The following DEPDC5 variants were observed in gnomAD, a reference collection of about 807,000 sequenced individuals.
The protein encoded by DEPDC5 is GATOR1 complex protein DEPDC5.
A neutral mutation model predicts 217.3 loss-of-function variants in DEPDC5; 73 were observed. The ratio of observed to expected loss-of-function variants is 0.34; its 90% CI spans 0.28 to 0.41. The LOEUF (loss-of-function observed/expected upper bound fraction) is 0.41. Among genes scored for constraint, DEPDC5 ranks in the 10% least tolerant of loss-of-function variants. The pLI, the probability that DEPDC5 is intolerant of heterozygous loss-of-function variation, is 1.00. For synonymous variants in DEPDC5, 733 were observed against 756.7 expected (o/e 0.97, Z 0.51); for missense variants, 1,675 against 2,070.1 (o/e 0.81, Z 3.70).
intron 4 of DEPDC5, among the ~76,000 whole-genome samples, chr22:31,761,989 A>AG (rs2082431616): frequency 6.7e-6 from 1 of 149,050 alleles, no homozygotes; most frequent in Non-Finnish European, 1.5e-5. Flanking sequence ...AAAAAAAAAA[A>AG]TACACAACCT....
chr22:31,872,961 G>T (rs1402785414), intron 34 of DEPDC5, among the ~76,000 whole-genome samples: 1 of 151,950 alleles, frequency 6.6e-6, no homozygotes, highest in Non-Finnish European at 1.5e-5. Context: ...CACTATGTTT[G>T]CCAGGCTGGT....
At chr22:31,877,393 C>T (rs1400567771) in intron 37 of DEPDC5, among the ~76,000 whole-genome samples, 4 of 127,526 alleles carry the variant, frequency 3.1e-5, no homozygotes, top group Non-Finnish European at 6.3e-5. Flanking sequence ...GCCAAGATCA[C>T]ACCACTGTAC....
chr22:31,861,938 C>T (rs906988916), intron 33 of DEPDC5, among the ~76,000 whole-genome samples: 1 of 152,192 alleles, frequency 6.6e-6, no homozygotes, highest in Admixed American at 6.5e-5. Context: ...AATTATTTGT[C>T]AGTTAAAAGA....
rs2085728214 is a variant in DEPDC5 at position 31,792,086 on chromosome 22, T to C, written c.678T>C (p.Tyr226=). ...TGGTCCTGTTTTCTAGAACTTTCTA[T>C]GATGCAAAATCTGTTGGTGAGTAAC... The part of the protein sequence containing the change: ...VTVVLFSRTF[Y]DAKSVDEFPE... The change falls in exon 11 of 43, where the codon TAT becomes TAC. Residue 226 remains tyrosine, a synonymous_variant. Transcript: ENST00000651528. The C allele has an allele frequency of 1.9e-6, 3 of 1,612,016 alleles. No homozygotes were observed. The highest frequency in any genetic ancestry group is 2.5e-6 in the Non-Finnish European group (3 of 1,178,670).
At chr22:31,810,034 TAA>T (rs2088080182) in intron 19 of DEPDC5, among the ~76,000 whole-genome samples, 1 of 152,164 alleles carries the variant, frequency 6.6e-6, no homozygotes, top group African/African-American at 2.4e-5. Context: ...TGAAGTGCCA[TAA>T]AAAGTTTATG....
At chr22:31,836,193 C>T (rs2090981971) in intron 25 of DEPDC5, among the ~76,000 whole-genome samples, 1 of 152,242 alleles carries the variant, frequency 6.6e-6, no homozygotes, top group Non-Finnish European at 1.5e-5. Flanking sequence ...CTGGTTTTCA[C>T]AGCTAGGGGA....
rs1472288642 is a variant in DEPDC5, at chr22:31,837,047, C to G, written c.2246C>G (p.Thr749Ser). ...TVGVDWKSLT[T>S]PACLPLTTDY... is the part of the protein sequence containing the mutation. Reference sequence around the variant, plus strand: ...GGAGTGGACTGGAAGTCTCTCACTACTCCGGCGTGCCTCCCCCTTACCACC... The same window carrying G: ...GGAGTGGACTGGAAGTCTCTCACTAGTCCGGCGTGCCTCCCCCTTACCACC... The change falls in exon 26 of 43, where the codon ACT becomes AGT. Residue 749 changes from threonine (T) to serine (S), a missense_variant. Thr to Ser is a moderately conservative substitution (Grantham distance 58, BLOSUM62 1). Around this residue, in one of 11 missense-constraint regions of DEPDC5, gnomAD observed 8 missense variants for 30.3 expected, o/e 0.26. Coordinates refer to ENST00000651528, the MANE Select transcript of DEPDC5 (RefSeq NM_001242896.3). 1 of 1,614,076 alleles carries G rather than the reference C, an allele frequency of 6.2e-7. No homozygotes were observed. Among genetic ancestry groups the G allele is most frequent in the Non-Finnish European group, 8.5e-7 (1 of 1,180,038 alleles).
chr22:31,806,989 G>A (rs1469259689), intron 18 of DEPDC5, among the ~76,000 whole-genome samples: 1 of 152,186 alleles, frequency 6.6e-6, no homozygotes, highest in African/African-American at 2.4e-5. Context: ...GCTAACCTGG[G>A]TGGCTAAGTG....
At chr22:31,816,174 C>A (rs2089086649) in intron 21 of DEPDC5, among the ~76,000 whole-genome samples, 2 of 151,490 alleles carry the variant, frequency 1.3e-5, no homozygotes, top group Admixed American at 1.3e-4. Flanking sequence ...GTGGCGGGTG[C>A]CTGTAATCCC....
At chr22:31,793,821 C>T (rs537350821) in intron 12 of DEPDC5, among the ~76,000 whole-genome samples, 76 of 152,162 alleles carry the variant, frequency 5.0e-4, no homozygotes, top group Non-Finnish European at 1.3e-4. Context: ...CCACCCACCT[C>T]GGCCTCCCAA....
Position 31,826,826 on chromosome 22 carries a change from G to A in DEPDC5, c.2104+4036G>A, listed in dbSNP as rs142559020. Among the ~76,000 whole-genome samples the A allele has an allele frequency of 4.6e-5, 7 of 151,664 alleles. No homozygotes were observed. In the East Asian group the frequency reaches 5.8e-4, roughly 13 times the overall value. On this transcript the variant is annotated intron_variant, in intron 24 of 42. Transcript: ENST00000651528. ...TTTATATTTCCAAGACCAAGTTGCC[G>A]TATGTGAGAAGAATTTGAATAACAC...
intron 37 of DEPDC5, among the ~76,000 whole-genome samples, chr22:31,876,672 G>A (rs136867): frequency 0.8 from 121,314 of 152,074 alleles, 49,239 homozygotes; most frequent in African/African-American, 0.95. Flanking sequence ...TCCAGTTCAG[G>A]CTCCATTTCT....
chr22:31,767,889 G>T (rs1434167314), intron 6 of DEPDC5, among the ~76,000 whole-genome samples: 1 of 151,556 alleles, frequency 6.6e-6, no homozygotes, highest in Non-Finnish European at 1.5e-5. Flanking sequence ...GGGATTACAG[G>T]CGCCCGCCAC....
intron 8 of DEPDC5, among the ~76,000 whole-genome samples, chr22:31,778,391 G>A (rs2084095136): frequency 6.6e-6 from 1 of 152,046 alleles, no homozygotes; most frequent in Non-Finnish European, 1.5e-5. Context: ...AGGAAGCTGA[G>A]GTGGAAGAAT....
At chr22:31,864,524 A>ATATATATATATATATATATATATATATT (rs1249903986) in intron 33 of DEPDC5, among the ~76,000 whole-genome samples, 1 of 132,720 alleles carries the variant, frequency 7.5e-6, no homozygotes, top group Non-Finnish European at 1.6e-5. Flanking sequence ...ATATATATAT[A>ATATATATATATATATATATATATATATT]TTTATATATT....
At chr22:31,767,496 T>C (rs1302831239) in intron 6 of DEPDC5, among the ~76,000 whole-genome samples, 7 of 152,092 alleles carry the variant, frequency 4.6e-5, no homozygotes, top group African/African-American at 9.7e-5. Context: ...GGTTTCTCCA[T>C]GTTGGTCAGG....
At chr22:31,819,409 G>A (rs771719811) in intron 22 of DEPDC5, among the ~76,000 whole-genome samples, 184 bp downstream of exon 22, 10 of 151,986 alleles carry the variant, frequency 6.6e-5, no homozygotes, top group Non-Finnish European at 1.5e-4. Context: ...CTTGGGAATA[G>A]GCTTTGTAAC....
intron 18 of DEPDC5, among the ~76,000 whole-genome samples, chr22:31,808,254 C>G (rs1217667292): frequency 6.6e-6 from 1 of 151,028 alleles, no homozygotes; most frequent in Admixed American, 6.6e-5. Flanking sequence ...TGCCACCATG[C>G]CTAATTTTTT....
Position 31,797,674 on chromosome 22 carries a change from A to G in DEPDC5, c.842A>G (p.Tyr281Cys), listed in dbSNP as rs200797928. The change falls in exon 13 of 43, where the codon TAT becomes TGT. Residue 281 changes from tyrosine (Y) to cysteine (C), a missense_variant. Tyr to Cys is a radical substitution (Grantham distance 194). Around this residue, in one of 11 missense-constraint regions of DEPDC5, gnomAD observed 628 missense variants for 762.1 expected, o/e 0.82. Coordinates refer to ENST00000651528, the MANE Select transcript of DEPDC5 (RefSeq NM_001242896.3). ...ACCATTAAAAAACTCTTCATCCAGT[A>G]TCCAGTGTTGGTGCGACTGGAACAG... is the stretch of plus-strand genomic sequence containing the variant. ...LVTIKKLFIQYPVLVRLEQAE... is the reference protein window; with the variant it reads ...LVTIKKLFIQCPVLVRLEQAE... 6.2e-7 allele frequency: 1 copy of G among 1,614,004 alleles called. No individual in the cohort carries two copies. The highest frequency in any genetic ancestry group is 1.7e-5 in the Admixed American group (1 of 59,996).
Sources: allele counts gnomAD v4.1 joint callset (sites outside exome capture counted in the v4.1 genomes callset), GRCh38; gene constraint gnomAD v4.1.1; regional missense constraint gnomAD v4.1.1; transcripts MANE v1.5; gene names NCBI Gene and HGNC (gene_info 2026-07-23, HGNC 2026-07-21).